THSD4: variants seen among roughly 807,000 people sequenced by gnomAD.
THSD4 encodes the protein thrombospondin type-1 domain-containing protein 4.
Under a neutral mutation model 119.0 loss-of-function variants are expected in THSD4, and 69 were observed. The observed-to-expected ratio is 0.58, with a 90% CI of 0.48 to 0.71. THSD4 has a LOEUF of 0.71. Ranked by LOEUF, THSD4 falls within the 30% of genes least tolerant of loss-of-function variation. The pLI is 0.00. For missense variants in THSD4, 1,393 were observed against 1,391.1 expected (o/e 1.00, Z -0.02); for synonymous variants, 524 against 540.4 (o/e 0.97, Z 0.42).
chr15:71,544,131 G>A (rs1327662119), intron 7 of THSD4, among the ~76,000 whole-genome samples: 1 of 152,196 alleles, frequency 6.6e-6, no homozygotes, highest in Non-Finnish European at 1.5e-5. Flanking sequence ...ACAGGGCCTA[G>A]AATATAGGAA....
chr15:71,539,920 A>G (rs1246855039), intron 7 of THSD4, among the ~76,000 whole-genome samples: 2 of 152,166 alleles, frequency 1.3e-5, no homozygotes, highest in Non-Finnish European at 2.9e-5. Flanking sequence ...TTAATTAACA[A>G]TTACAACACA....
chr15:71,601,276 A>C (rs2050005564), intron 7 of THSD4, among the ~76,000 whole-genome samples: 1 of 152,134 alleles, frequency 6.6e-6, no homozygotes, highest in South Asian at 2.1e-4. Context: ...TTATTGCCTC[A>C]ATGATTGGCT....
At chr15:71,709,672 C>T (rs2052468693) in intron 8 of THSD4, among the ~76,000 whole-genome samples, 1 of 152,150 alleles carries the variant, frequency 6.6e-6, no homozygotes, top group South Asian at 2.1e-4. Context: ...GACTTGTTAT[C>T]CCAGCTTTCC....
At chr15:71,285,714 C>T (rs1007587842) in intron 6 of THSD4, among the ~76,000 whole-genome samples, 3 of 151,770 alleles carry the variant, frequency 2.0e-5, no homozygotes, top group Admixed American at 6.6e-5. Context: ...ATTAGCTGGG[C>T]GTAGTGGTGT....
At chr15:71,370,653 G>A (rs2046031645) in intron 6 of THSD4, among the ~76,000 whole-genome samples, 2 of 152,252 alleles carry the variant, frequency 1.3e-5, no homozygotes, top group Admixed American at 1.3e-4. Context: ...CAGACAGTTT[G>A]TTATAATTTC....
chr15:71,304,222 C>G (rs933153493), intron 6 of THSD4, among the ~76,000 whole-genome samples: 9 of 152,214 alleles, frequency 5.9e-5, no homozygotes, highest in Middle Eastern at 3.4e-3. Context: ...GGCACAAGCT[C>G]TGGCCCATCT....
intron 6 of THSD4, among the ~76,000 whole-genome samples, chr15:71,278,519 C>T (rs2044617124): frequency 2.0e-5 from 3 of 152,150 alleles, no homozygotes; most frequent in Admixed American, 6.5e-5. Context: ...GAAGTTGCAA[C>T]TCAAGAACGC....
At chr15:71,761,995 G>A (rs568939487) in intron 15 of THSD4, among the ~76,000 whole-genome samples, 1 of 152,284 alleles carries the variant, frequency 6.6e-6, no homozygotes, top group East Asian at 1.9e-4. Flanking sequence ...CATGAGTTTT[G>A]CTAGAGCTCC....
intron 7 of THSD4, among the ~76,000 whole-genome samples, chr15:71,618,882 C>T (rs1053234637): frequency 2.6e-5 from 4 of 151,802 alleles, no homozygotes; most frequent in African/African-American, 9.7e-5. Context: ...ACAGCCTCTT[C>T]AACATTATTA....
At chr15:71,517,081 A>G (rs1461605065) in intron 7 of THSD4, among the ~76,000 whole-genome samples, 1 of 152,244 alleles carries the variant, frequency 6.6e-6, no homozygotes, top group Non-Finnish European at 1.5e-5. Flanking sequence ...CACTGCTTTC[A>G]TTAGCCTAAG....
intron 6 of THSD4, among the ~76,000 whole-genome samples, chr15:71,344,759 T>C (rs2045632238): frequency 6.6e-6 from 1 of 152,298 alleles, no homozygotes; most frequent in Admixed American, 6.5e-5. Context: ...TTCACAAAGA[T>C]TTCTTGTGCC....
intron 3 of THSD4, chr15:71,165,519 A>T: frequency 1.2e-6 from 1 of 819,374 alleles, no homozygotes; most frequent in East Asian, 2.4e-5. Context: ...CTGCCAAAAC[A>T]GTCATTTTTG....
intron 6 of THSD4, among the ~76,000 whole-genome samples, chr15:71,406,643 GGTGTGTGTGTGT>G (rs56347233): frequency 0.16 from 19,880 of 126,254 alleles, 1,644 homozygotes; most frequent in East Asian, 0.38. Context: ...AGGTTTGTTT[GGTGTGTGTGTGT>G]GTGTGTGTGT....
intron 7 of THSD4, among the ~76,000 whole-genome samples, chr15:71,571,877 T>C (rs1424673774): frequency 6.6e-6 from 1 of 152,240 alleles, no homozygotes; most frequent in African/African-American, 2.4e-5. Flanking sequence ...GCTTATCTTA[T>C]TAGCTAACCT....
At chr15:71,277,864 C>T (rs1180618047) in intron 6 of THSD4, among the ~76,000 whole-genome samples, 1 of 152,202 alleles carries the variant, frequency 6.6e-6, no homozygotes, top group Non-Finnish European at 1.5e-5. Flanking sequence ...TAAGATGGCA[C>T]ATACAGTATT....
At chr15:71,727,878 T>C (rs1225356141) in intron 8 of THSD4, among the ~76,000 whole-genome samples, 1 of 148,816 alleles carries the variant, frequency 6.7e-6, no homozygotes, top group Non-Finnish European at 1.5e-5. Flanking sequence ...AAAGGGGTAA[T>C]AAACTGAGAC....
At chr15:71,621,042 T>G (rs75633553) in intron 7 of THSD4, among the ~76,000 whole-genome samples, 2 of 152,222 alleles carry the variant, frequency 1.3e-5, no homozygotes, top group South Asian at 4.1e-4. Flanking sequence ...ATATTCTATG[T>G]TCATGATTTC....
At chr15:71,344,231 G>A (rs889608362) in intron 6 of THSD4, among the ~76,000 whole-genome samples, 1 of 151,946 alleles carries the variant, frequency 6.6e-6, no homozygotes, top group Non-Finnish European at 1.5e-5. Flanking sequence ...TTTTAATAGA[G>A]ACGGGGTTTC....
At chr15:71,533,150 T>TG (rs1170162086) in intron 7 of THSD4, among the ~76,000 whole-genome samples, 1 of 152,226 alleles carries the variant, frequency 6.6e-6, no homozygotes, top group Non-Finnish European at 1.5e-5. Context: ...GGGTTGCCCG[T>TG]GGGGCAAATC....
Sources: gnomAD v4.1 joint callset for allele counts (sites outside exome capture counted in the v4.1 genomes callset) on GRCh38, gnomAD v4.1.1 for gene constraint, MANE v1.5 for transcripts, NCBI Gene and HGNC (gene_info 2026-07-23, HGNC 2026-07-21) for gene names.